CDH11: variants seen among roughly 807,000 people sequenced by gnomAD.
CDH11 encodes cadherin 11.
Under a neutral mutation model 67.8 loss-of-function variants are expected in CDH11, and 11 were observed. The observed-to-expected ratio is 0.16, with a 90% confidence interval of 0.10 to 0.27. The LOEUF is 0.27. Ranked by LOEUF, CDH11 falls within the 10% of genes least tolerant of loss-of-function variation. The pLI is 1.00. For synonymous variants in CDH11, 419 were observed against 400.0 expected, an observed-to-expected ratio of 1.05 and a Z score of -0.57; for missense variants, 847 against 1,031.2, an observed-to-expected ratio of 0.82 and a Z score of 2.45.
rs3046001 is a variant in CDH11 at position 64,945,301 on chromosome 16, TAA to T, written c.*2300_*2301del. On this transcript the variant is annotated 3_prime_UTR_variant, in exon 13 of 13. Coordinates refer to ENST00000268603, the MANE Select transcript of CDH11 (RefSeq NM_001797.4). ...AGAGGCTTAACGAAAAAATAAAAGG[TAA>T]AAAAAAAAAAAAAAAAGAAAAAGAA... 184,824 of 385,588 alleles carry T rather than the reference TAA, an allele frequency of 0.48. 28,878 individuals carry two copies. The highest frequency in any genetic ancestry group is 0.71 in the African/African-American group (28,353 of 40,016). The allele number at this position is 385,588 out of a possible 1,614,324, so 23.9% of individuals were successfully genotyped here.
chr16:64,994,240 G>C (rs1447160402), intron 4 of CDH11, among the ~76,000 whole-genome samples: 1 of 152,074 alleles, frequency 6.6e-6, no homozygotes, highest in African/African-American at 2.4e-5. Flanking sequence ...CCATTTGTCA[G>C]TCACTATTCT....
At chr16:65,078,317 T>G (rs918056052) in intron 1 of CDH11, among the ~76,000 whole-genome samples, 1 of 152,164 alleles carries the variant, frequency 6.6e-6, no homozygotes, top group African/African-American at 2.4e-5. Flanking sequence ...TGTGAGTGTG[T>G]TTACCGAGCT....
In CDH11 at chr16:65,082,684, A is replaced by G. The variant is rs138557247; in HGVS notation, c.-297-28756T>C. Among the ~76,000 whole-genome samples, 952 of 152,354 alleles carry G rather than the reference A, an allele frequency of 6.2e-3. 30 individuals are homozygous for G. The highest frequency in any genetic ancestry group is 0.057 in the Admixed American group (871 of 15,306). On this transcript the variant is annotated intron_variant, in intron 1 of 12. Coordinates refer to ENST00000268603, the MANE Select transcript of CDH11 (RefSeq NM_001797.4). ...TCATTTATTCAAGGTGTAATACCCA[A>G]TTAAAGGCAGGATATATAGTGAATT...
At chr16:64,950,639 T>G in intron 12 of CDH11, 128 bp downstream of exon 12, 2 of 695,034 alleles carry the variant, frequency 2.9e-6, no homozygotes, top group South Asian at 4.2e-5. Context: ...ACCCCACTTC[T>G]TTTCTTGAAC....
chr16:65,055,596 T>A (rs1303054477), intron 1 of CDH11, among the ~76,000 whole-genome samples: 1 of 152,226 alleles, frequency 6.6e-6, no homozygotes, highest in Non-Finnish European at 1.5e-5. Flanking sequence ...TGAACAGTAC[T>A]TTAAATCTCA....
chr16:64,956,274 T>C (rs1218785736), intron 11 of CDH11, among the ~76,000 whole-genome samples: 1 of 152,214 alleles, frequency 6.6e-6, no homozygotes, highest in Non-Finnish European at 1.5e-5. Flanking sequence ...TTGATTCCAT[T>C]CATAAAGCTA....
intron 2 of CDH11, among the ~76,000 whole-genome samples, chr16:65,038,581 G>C (rs911186636): frequency 1.3e-5 from 2 of 152,192 alleles, no homozygotes; most frequent in African/African-American, 4.8e-5. Context: ...TTAACAGACA[G>C]GACATCTAAT....
At chr16:65,011,016 T>G (rs8048429) in intron 2 of CDH11, among the ~76,000 whole-genome samples, 190 of 146,724 alleles carry the variant, frequency 1.3e-3, no homozygotes, top group Middle Eastern at 3.6e-3. Context: ...TATATATATG[T>G]GTATATATAT....
rs57968272 is a variant in CDH11, at chr16:65,068,413, G to GA, written c.-297-14486dup. Among the ~76,000 whole-genome samples the GA allele has an allele frequency of 3.0e-4, 30 of 100,180 alleles. 1 individual carries two copies. The highest frequency in any genetic ancestry group is 4.4e-4 in the Admixed American group (4 of 9,054). 65.7% of individuals were successfully genotyped at this position (100,180 alleles called of 152,430 possible). A position where few individuals can be genotyped will look rare whatever the true frequency, so the allele number is the denominator to read the frequency against. Reference sequence around the variant, plus strand: ...GCTCCCGAAATAAGATATGACTACAGAAAAAAAAAAAAAAAAAAAAAAAAA... The same window carrying GA: ...GCTCCCGAAATAAGATATGACTACAGAAAAAAAAAAAAAAAAAAAAAAAAAA... On this transcript the variant is annotated intron_variant, in intron 1 of 12. Coordinates refer to ENST00000268603, the MANE Select transcript of CDH11 (RefSeq NM_001797.4).
intron 2 of CDH11, among the ~76,000 whole-genome samples, chr16:65,011,010 T>TATACGGGTATATATATACACAC: frequency 6.7e-6 from 1 of 148,222 alleles, no homozygotes; most frequent in African/African-American, 2.5e-5. Context: ...TATATGTATA[T>TATACGGGTATATATATACACAC]ATATGTGTAT....
At chr16:65,085,421 C>T (rs1390670699) in intron 1 of CDH11, among the ~76,000 whole-genome samples, 2 of 152,204 alleles carry the variant, frequency 1.3e-5, no homozygotes, top group Non-Finnish European at 2.9e-5. Context: ...TTATACCTAC[C>T]TCGTGGAATC....
chr16:65,013,490 G>A (rs1040929662), intron 2 of CDH11, among the ~76,000 whole-genome samples: 1 of 152,032 alleles, frequency 6.6e-6, no homozygotes, highest in African/African-American at 2.4e-5. Context: ...CACTAGAGGT[G>A]GAAATCAGCC....
intron 2 of CDH11, among the ~76,000 whole-genome samples, chr16:65,042,628 T>C (rs1246829491): frequency 1.3e-5 from 2 of 152,122 alleles, no homozygotes; most frequent in Non-Finnish European, 2.9e-5. Context: ...AAACAGGACG[T>C]CAATAAATAG....
intron 8 of CDH11, among the ~76,000 whole-genome samples, chr16:64,980,439 G>T (rs1196358532): frequency 6.6e-6 from 1 of 152,110 alleles, no homozygotes; most frequent in African/African-American, 2.4e-5. Context: ...GCAAGAGGAA[G>T]GACATCCGAT....
At chr16:65,023,301 A>C (rs1315668460) in intron 2 of CDH11, among the ~76,000 whole-genome samples, 1 of 152,190 alleles carries the variant, frequency 6.6e-6, no homozygotes, top group African/African-American at 2.4e-5. Flanking sequence ...TTGAATCTGG[A>C]CAAAGGGAGA....
chr16:64,975,754 T>A (rs1176368225), intron 8 of CDH11, among the ~76,000 whole-genome samples: 2 of 152,216 alleles, frequency 1.3e-5, no homozygotes, highest in African/African-American at 4.8e-5. Flanking sequence ...TTCCTTTGGA[T>A]ATATGCCCTG....
chr16:64,958,833 C>T (rs2071594222), intron 11 of CDH11, among the ~76,000 whole-genome samples: 1 of 152,046 alleles, frequency 6.6e-6, no homozygotes, highest in East Asian at 1.9e-4. Context: ...TCTTAGAAAC[C>T]TAAGATTTTT....
At chr16:65,037,234 T>C (rs1465457306) in intron 2 of CDH11, among the ~76,000 whole-genome samples, 1 of 152,170 alleles carries the variant, frequency 6.6e-6, no homozygotes, top group Non-Finnish European at 1.5e-5. Flanking sequence ...AGAAAATCAT[T>C]CAGACTTTCA....
chr16:65,096,708 G>GGT (rs886433432), intron 1 of CDH11, among the ~76,000 whole-genome samples: 14 of 143,684 alleles, frequency 9.7e-5, no homozygotes, highest in Admixed American at 2.1e-4. Context: ...ATATATTTGG[G>GGT]GTGTGTGTGT....
Sources: allele counts gnomAD v4.1 joint callset (sites outside exome capture counted in the v4.1 genomes callset), GRCh38; gene constraint gnomAD v4.1.1; transcripts MANE v1.5; gene names NCBI Gene and HGNC (gene_info 2026-07-23, HGNC 2026-07-21).